Variants in PDZRN4 observed in about 807,000 individuals in gnomAD.
PDZRN4 encodes PDZ domain-containing RING finger protein 4.
In PDZRN4, 70 loss-of-function variants were observed where a neutral mutation model predicts 99.0. That is an observed-to-expected ratio of 0.71 (90% confidence interval 0.58 to 0.86). PDZRN4 has a LOEUF of 0.86. Among genes scored for constraint, PDZRN4 ranks in the 40% least tolerant of loss-of-function variants. The pLI is 0.00. For missense variants in PDZRN4, 1,474 were observed against 1,331.2 expected (o/e 1.11, Z -1.67); for synonymous variants, 551 against 501.6 (o/e 1.10, Z -1.32).
chr12:41,342,266 A>G lies in PDZRN4; in HGVS notation c.843+148078A>G, dbSNP rs534731641. On this transcript the variant is annotated intron_variant, in intron 3 of 9. Transcript: ENST00000402685. ...AAACTGCTATAAAATAGCATAAGGG[A>G]AATGCTTTATAACAGTGGGCTGGGT... Among the ~76,000 whole-genome samples the G allele has an allele frequency of 1.4e-4, 21 of 152,018 alleles. No homozygotes were observed. In the East Asian group the frequency reaches 4.1e-3, roughly 29 times the overall value.
At chr12:41,414,530 TC>T (rs1372144732) in intron 3 of PDZRN4, among the ~76,000 whole-genome samples, 1 of 152,050 alleles carries the variant, frequency 6.6e-6, no homozygotes, top group Non-Finnish European at 1.5e-5. Flanking sequence ...AAAATTATTT[TC>T]CCTTTATTTT....
chr12:41,529,501 A>C (rs576448466), intron 5 of PDZRN4, among the ~76,000 whole-genome samples: 46 of 152,208 alleles, frequency 3.0e-4, no homozygotes, highest in Admixed American at 8.5e-4. Flanking sequence ...CATCAGACAC[A>C]CACATTTATG....
chr12:41,359,118 C>T (rs1044186657), intron 3 of PDZRN4, among the ~76,000 whole-genome samples: 10 of 152,056 alleles, frequency 6.6e-5, no homozygotes, highest in African/African-American at 1.9e-4. Flanking sequence ...TTACATTTCT[C>T]GTTCAGAATT....
intron 3 of PDZRN4, among the ~76,000 whole-genome samples, chr12:41,353,047 A>C (rs1037307822): frequency 6.6e-6 from 1 of 151,782 alleles, no homozygotes; most frequent in Admixed American, 6.6e-5. Flanking sequence ...ATCTGGGAAA[A>C]CGAAGAGAGA....
In PDZRN4 at chr12:41,298,715, AT is replaced by A. The variant is rs559306241; in HGVS notation, c.843+104528del. 7.0e-3 allele frequency among the ~76,000 whole-genome samples: 1,065 copies of A among 152,330 alleles called. 7 individuals are homozygous for A. Among genetic ancestry groups the A allele is most frequent in the Non-Finnish European group, 0.01 (697 of 68,028 alleles). On this transcript the variant is annotated intron_variant, in intron 3 of 9. Transcript: ENST00000402685. Reference sequence around the variant, plus strand: ...CCATTAACACTTCCAATACCATTAAATGAGCCAAACAGGTGAAATAGAACAG... The same window carrying A: ...CCATTAACACTTCCAATACCATTAAAGAGCCAAACAGGTGAAATAGAACAG...
chr12:41,516,686 G>T (rs1938405764), intron 5 of PDZRN4, among the ~76,000 whole-genome samples: 2 of 151,950 alleles, frequency 1.3e-5, no homozygotes, highest in South Asian at 4.1e-4. Context: ...GTTAAAGAAT[G>T]ACGGGGGTTC....
intron 3 of PDZRN4, among the ~76,000 whole-genome samples, chr12:41,400,932 T>G (rs576765990): frequency 6.6e-6 from 1 of 152,282 alleles, no homozygotes; most frequent in East Asian, 1.9e-4. Flanking sequence ...GAATCCTGAC[T>G]GTTATTTGGC....
chr12:41,365,804 G>A (rs1951995770), intron 3 of PDZRN4, among the ~76,000 whole-genome samples: 1 of 152,014 alleles, frequency 6.6e-6, no homozygotes, highest in Non-Finnish European at 1.5e-5. Context: ...GAGCAAACAA[G>A]GTTTCAGAGG....
chr12:41,352,300 A>G (rs1339562022), intron 3 of PDZRN4, among the ~76,000 whole-genome samples: 1 of 152,144 alleles, frequency 6.6e-6, no homozygotes, highest in Non-Finnish European at 1.5e-5. Context: ...CTTGCAAAGG[A>G]CAGACTGTCA....
intron 3 of PDZRN4, among the ~76,000 whole-genome samples, chr12:41,383,946 G>GT (rs1228062807): frequency 6.9e-6 from 1 of 144,220 alleles, no homozygotes; most frequent in Non-Finnish European, 1.5e-5. Flanking sequence ...TTTTAACATG[G>GT]TAATATCAGT....
Position 41,573,134 on chromosome 12 carries a change from G to C in PDZRN4, c.2355G>C (p.Gln785His). ...CAGCCACCCAGTCCTCTTCCGGACA[G>C]AGCAGTAAAGAGTCGACCTCCACCA... Reference protein sequence around the residue: ...TMAATQSSSGQSSKESTSTKA... With the variant: ...TMAATQSSSGHSSKESTSTKA... Residue 785 changes from glutamine to histidine, a missense_variant, in exon 10 of 10, where the codon CAG (glutamine) becomes CAC (histidine). Coordinates refer to ENST00000402685, the MANE Select transcript of PDZRN4 (RefSeq NM_001164595.2). 1.9e-6 allele frequency: 3 copies of C among 1,614,170 alleles called. No individual in the cohort carries two copies. The highest frequency in any genetic ancestry group is 1.6e-4 in the Middle Eastern group (1 of 6,062).
chr12:41,511,575 A>C (rs893110150), intron 5 of PDZRN4, among the ~76,000 whole-genome samples: 1 of 152,232 alleles, frequency 6.6e-6, no homozygotes, highest in African/African-American at 2.4e-5. Flanking sequence ...AGTTGCTATG[A>C]CAGTTTTCAA....
At chr12:41,525,919 G>A (rs974838447) in intron 5 of PDZRN4, among the ~76,000 whole-genome samples, 4 of 151,670 alleles carry the variant, frequency 2.6e-5, no homozygotes, top group East Asian at 1.9e-4. Context: ...CCCAAACATC[G>A]TAAAATAGTA....
At chr12:41,237,784 G>A (rs546289896) in intron 3 of PDZRN4, among the ~76,000 whole-genome samples, 13 of 152,152 alleles carry the variant, frequency 8.5e-5, no homozygotes, top group African/African-American at 1.7e-4. Context: ...TTGTAGGTGC[G>A]TGGTCTTATT....
chr12:41,387,269 A>G (rs1952177332), intron 3 of PDZRN4, among the ~76,000 whole-genome samples: 1 of 152,152 alleles, frequency 6.6e-6, no homozygotes, highest in African/African-American at 2.4e-5. Flanking sequence ...CAAATTTACA[A>G]GAAACAAACA....
chr12:41,404,271 C>T (rs770203009), intron 3 of PDZRN4, among the ~76,000 whole-genome samples: 1 of 151,942 alleles, frequency 6.6e-6, no homozygotes, highest in Non-Finnish European at 1.5e-5. Flanking sequence ...CATAGAAATG[C>T]GAGTAGCATG....
chr12:41,388,417 C>T (rs567182180), intron 3 of PDZRN4, among the ~76,000 whole-genome samples: 4 of 151,680 alleles, frequency 2.6e-5, no homozygotes, highest in Admixed American at 1.3e-4. Context: ...TTGGAGGAAT[C>T]GCAAGAGCCA....
intron 9 of PDZRN4, among the ~76,000 whole-genome samples, chr12:41,571,393 C>T (rs1481177947): frequency 4.0e-5 from 6 of 151,188 alleles, no homozygotes; most frequent in African/African-American, 1.5e-4. Flanking sequence ...CACACACACA[C>T]ACACACACAC....
At chr12:41,427,380 A>G (rs1188065203) in intron 3 of PDZRN4, among the ~76,000 whole-genome samples, 1 of 152,154 alleles carries the variant, frequency 6.6e-6, no homozygotes, top group East Asian at 1.9e-4. Context: ...GCACTGGGTA[A>G]AGTTCATGTT....
Sources: allele counts gnomAD v4.1 joint callset (sites outside exome capture counted in the v4.1 genomes callset), GRCh38; gene constraint gnomAD v4.1.1; transcripts MANE v1.5; gene names NCBI Gene and HGNC (gene_info 2026-07-23, HGNC 2026-07-21).